PPEF1: variants seen among roughly 807,000 people sequenced by gnomAD.
PPEF1 encodes serine/threonine-protein phosphatase with EF-hands 1.
A neutral mutation model predicts 53.3 loss-of-function variants in PPEF1; 12 were observed. The observed-to-expected ratio is 0.23, with a 90% CI of 0.14 to 0.36. The LOEUF is 0.36. PPEF1 is among the 10% of genes least tolerant of loss of function. The pLI, the probability that PPEF1 is intolerant of heterozygous loss-of-function variation, is 1.00. For synonymous variants in PPEF1, 165 were observed against 176.7 expected, an observed-to-expected ratio of 0.93 and a Z score of 0.52; for missense variants, 334 against 490.4, an observed-to-expected ratio of 0.68 and a Z score of 3.01.
intron 3 of PPEF1, among the ~76,000 whole-genome samples, chrX:18,686,574 A>G (rs779533927): frequency 1.6e-4 from 18 of 111,101 alleles, no homozygotes; most frequent in Non-Finnish European, 3.4e-4. Flanking sequence ...GCTTAAGTCA[A>G]CCAGGGCCCG....
chrX:18,687,172 G>C (rs1929119224), intron 3 of PPEF1, among the ~76,000 whole-genome samples: 1 of 111,122 alleles, frequency 9.0e-6, no homozygotes, highest in African/African-American at 3.3e-5. Flanking sequence ...ATTTCTGCTT[G>C]TATCTCAAGG....
At chrX:18,702,598 G>A (rs1031512543) in intron 6 of PPEF1, among the ~76,000 whole-genome samples, 2 of 108,118 alleles carry the variant, frequency 1.8e-5, no homozygotes, top group Non-Finnish European at 1.9e-5. Context: ...GGTGGCGAAC[G>A]TTAGTTTGTC....
chrX:18,780,921 T>A (rs2046070737), intron 7 of PPEF1, among the ~76,000 whole-genome samples: 1 of 109,612 alleles, frequency 9.1e-6, no homozygotes, highest in Non-Finnish European at 1.9e-5. Flanking sequence ...CCGGGCATAG[T>A]GGCGGGCGCC....
rs757656490 is a variant in PPEF1, at chrX:18,826,703, G to A, written c.1751-573G>A. ...AGCCTCCCAAAGTGCTGGGATTACA[G>A]GCGTGAGCCACTGCGCCCGGCCTTC... On this transcript the variant is annotated intron_variant, in intron 15 of 15. Transcript: ENST00000470157. 8.0e-4 allele frequency among the ~76,000 whole-genome samples: 88 copies of A among 110,225 alleles called. 1 individual carries two copies. Among genetic ancestry groups the A allele is most frequent in the Admixed American group, 7.0e-3 (72 of 10,309 alleles).
In PPEF1 at chrX:18,683,720, A is replaced by G. The variant is rs139994668; in HGVS notation, c.-638+719A>G. 2.7e-5 allele frequency among the ~76,000 whole-genome samples: 3 copies of G among 111,842 alleles called. No individual in the cohort carries two copies. In the East Asian group the frequency reaches 8.5e-4, roughly 32 times the overall value. ...CATTTCCTTGAAAGGAGGTAGACCCATTTGGTATCCCCCCTTTTGCCCATA... is the reference window on the plus strand; with the variant it reads ...CATTTCCTTGAAAGGAGGTAGACCCGTTTGGTATCCCCCCTTTTGCCCATA... On this transcript the variant is annotated intron_variant, in intron 1 of 21. Coordinates refer to the PPEF1 transcript ENST00000361511.
intron 6 of PPEF1, among the ~76,000 whole-genome samples, chrX:18,771,398 A>C (rs2045867114): frequency 9.0e-6 from 1 of 111,284 alleles, no homozygotes; most frequent in South Asian, 3.8e-4. Flanking sequence ...TTGCACTTGT[A>C]ATTTTGCTTT....
intron 1 of PPEF1, among the ~76,000 whole-genome samples, chrX:18,728,789 C>G (rs1018867405): frequency 9.0e-6 from 1 of 111,624 alleles, no homozygotes; most frequent in Admixed American, 9.6e-5. Context: ...TGCAGCAGTA[C>G]TAAACCAGAG....
At chrX:18,745,394 T>G (rs1390631716) in intron 3 of PPEF1, among the ~76,000 whole-genome samples, 2 of 105,285 alleles carry the variant, frequency 1.9e-5, no homozygotes. Flanking sequence ...TTTTGCATTT[T>G]TTGTAGGGGT....
At chrX:18,821,803 G>GAAAA (rs1295876564) in intron 13 of PPEF1, among the ~76,000 whole-genome samples, 1 of 100,338 alleles carries the variant, frequency 1.0e-5, no homozygotes, top group African/African-American at 3.8e-5. Context: ...GAGAGAGAGA[G>GAAAA]AAAACAAATA....
At chrX:18,677,990 C>T (rs55802112), upstream of PPEF1, among the ~76,000 whole-genome samples, 31 of 109,877 alleles carry the variant, frequency 2.8e-4, no homozygotes, top group Admixed American at 7.8e-4. Context: ...GAGGCCGGGG[C>T]GCTGCCAAAC....
chrX:18,803,062 C>T (rs1193550113), intron 10 of PPEF1, among the ~76,000 whole-genome samples: 1 of 112,049 alleles, frequency 8.9e-6, no homozygotes, highest in Non-Finnish European at 1.9e-5. Flanking sequence ...AGGGGTCTCA[C>T]AACCTTCAGA....
chrX:18,744,705 G>T (rs1352521440), intron 3 of PPEF1, among the ~76,000 whole-genome samples: 2 of 108,235 alleles, frequency 1.8e-5, no homozygotes, highest in African/African-American at 6.6e-5. Flanking sequence ...TCTTCCATTG[G>T]TTATCGGTAG....
At chrX:18,819,682 G>A (rs2046994221) in intron 13 of PPEF1, among the ~76,000 whole-genome samples, 1 of 111,123 alleles carries the variant, frequency 9.0e-6, no homozygotes, top group African/African-American at 3.3e-5. Context: ...TGACAAGAGT[G>A]AAACTCTGTC....
chrX:18,711,330 A>AG (rs1290272366), intron 1 of PPEF1, among the ~76,000 whole-genome samples: 3 of 29,509 alleles, frequency 1.0e-4, no homozygotes, highest in African/African-American at 1.4e-4. Context: ...GGAGGGTGGG[A>AG]GGGGGGTGAG....
chrX:18,709,045 G>C (rs190873445), intron 1 of PPEF1, among the ~76,000 whole-genome samples: 1 of 111,329 alleles, frequency 9.0e-6, no homozygotes, highest in East Asian at 2.8e-4. Context: ...CATGTAAGTG[G>C]AAATATTAGC....
chrX:18,707,439 A>G (rs1425626660), upstream of PPEF1, among the ~76,000 whole-genome samples: 2 of 112,156 alleles, frequency 1.8e-5, no homozygotes, highest in African/African-American at 6.5e-5. Context: ...ACATGGAGAA[A>G]CTCATTTATG....
In PPEF1 at chrX:18,794,818, G is replaced by T. The variant is rs1227184825; in HGVS notation, c.1065+5545G>T. Among the ~76,000 whole-genome samples, 5 of 112,049 alleles carry T rather than the reference G, an allele frequency of 4.5e-5. No individual in the cohort carries two copies. In the Admixed American group the frequency reaches 4.7e-4, roughly 11 times the overall value. On this transcript the variant is annotated intron_variant, in intron 10 of 15. Coordinates refer to ENST00000470157, the MANE Select transcript of PPEF1 (RefSeq NM_001377996.1). ...CTACTGGGAGCTGGGGGAAGAAGGA[G>T]CCCCGTCTTGGATGCATCCACTTGA...
chrX:18,739,020 C>T (rs1398567236), intron 3 of PPEF1, among the ~76,000 whole-genome samples: 1 of 111,909 alleles, frequency 8.9e-6, no homozygotes, highest in Non-Finnish European at 1.9e-5. Context: ...TCTAGTTAGC[C>T]ATTCGTCTAA....
At chrX:18,745,493 A>G (rs1251762409) in intron 3 of PPEF1, among the ~76,000 whole-genome samples, 1 of 109,140 alleles carries the variant, frequency 9.2e-6, no homozygotes, top group Non-Finnish European at 1.9e-5. Flanking sequence ...TTCTCCTATC[A>G]ATTCTGGGAG....
Sources: allele counts gnomAD v4.1 joint callset (sites outside exome capture counted in the v4.1 genomes callset), GRCh38; gene constraint gnomAD v4.1.1; transcripts MANE v1.5; gene names NCBI Gene and HGNC (gene_info 2026-07-23, HGNC 2026-07-21).